BTG4: variants seen among roughly 807,000 people sequenced by gnomAD.
BTG4 encodes the protein protein BTG4.
Under a neutral mutation model 19.3 loss-of-function variants are expected in BTG4, and 10 were observed. The observed-to-expected ratio is 0.52, with a 90% CI of 0.32 to 0.88. The LOEUF (loss-of-function observed/expected upper bound fraction) is 0.88. Ranked by LOEUF, BTG4 falls within the 40% of genes least tolerant of loss-of-function variation. The pLI is 0.04. For synonymous variants in BTG4, 91 were observed against 95.7 expected (o/e 0.95, Z 0.29); for missense variants, 238 against 281.9 (o/e 0.84, Z 1.11).
intron 5 of BTG4, among the ~76,000 whole-genome samples, chr11:111,479,104 T>C (rs540596468): frequency 6.6e-6 from 1 of 152,058 alleles, no homozygotes; most frequent in South Asian, 2.1e-4. Context: ...AGAAAAAATC[T>C]TGAAAGCAGC....
chr11:111,432,555 A>G, the BTG4 span, among the ~76,000 whole-genome samples: 1 of 152,118 alleles, frequency 6.6e-6, no homozygotes, highest in African/African-American at 2.4e-5. Context: ...GAGGCAGGAG[A>G]ATCTGTAGAA....
intron 1 of BTG4, among the ~76,000 whole-genome samples, chr11:111,499,091 A>T (rs973120351): frequency 6.6e-6 from 1 of 152,214 alleles, no homozygotes; most frequent in East Asian, 1.9e-4. Flanking sequence ...ACTACAACTT[A>T]AAAAAGATCC....
the BTG4 span, among the ~76,000 whole-genome samples, chr11:111,440,950 C>T: frequency 6.6e-6 from 1 of 152,158 alleles, no homozygotes; most frequent in Admixed American, 6.5e-5. Flanking sequence ...GTCACATCAA[C>T]ATGTATGCAA....
chr11:111,475,238 T>C (rs1398299802), intron 5 of BTG4: 1 of 152,484 alleles, frequency 6.6e-6, no homozygotes, highest in Non-Finnish European at 1.5e-5. Context: ...ATGTGTATCA[T>C]AGTTTTAAGT....
In BTG4 at chr11:111,471,827, C is replaced by A. The variant is rs533181612; in HGVS notation, c.663-4146G>T. Among the ~76,000 whole-genome samples the A allele has an allele frequency of 3.9e-5, 6 of 152,198 alleles. No homozygotes were observed. In the East Asian group the frequency reaches 9.6e-4, roughly 24 times the overall value. ...ACGCAATTTTTAATTTCTTTCCAAA[C>A]CTGCTCCACTCAAAACCTTCCCCCA... On this transcript the variant is annotated intron_variant, in intron 5 of 5. Coordinates refer to the BTG4 transcript ENST00000356018.
chr11:111,428,738 T>A, the BTG4 span, among the ~76,000 whole-genome samples: 1 of 152,122 alleles, frequency 6.6e-6, no homozygotes, highest in Non-Finnish European at 1.5e-5. Context: ...GGTGCAGGCA[T>A]TCATTCCACT....
intron 5 of BTG4, among the ~76,000 whole-genome samples, chr11:111,479,136 C>T (rs903108464): frequency 6.6e-6 from 1 of 151,998 alleles, no homozygotes; most frequent in Non-Finnish European, 1.5e-5. Context: ...GACACCCTAC[C>T]ACTAGAGGAA....
At chr11:111,479,515 A>C (rs1475996676) in intron 5 of BTG4, among the ~76,000 whole-genome samples, 1 of 152,126 alleles carries the variant, frequency 6.6e-6, no homozygotes, top group Non-Finnish European at 1.5e-5. Flanking sequence ...GAAGTTCTCT[A>C]AATAGAAGGG....
At chr11:111,482,488 G>A (rs933434356) in intron 5 of BTG4, among the ~76,000 whole-genome samples, 5 of 151,996 alleles carry the variant, frequency 3.3e-5, no homozygotes, top group African/African-American at 1.2e-4. Context: ...GAAAGAAACT[G>A]GAATAGCTAA....
the BTG4 span, chr11:111,455,803 G>A: frequency 6.6e-6 from 3 of 455,954 alleles, no homozygotes; most frequent in Non-Finnish European, 1.3e-5. Context: ...GTCCCAGGTC[G>A]TGCTGCAGGA....
the BTG4 span, among the ~76,000 whole-genome samples, chr11:111,452,183 A>T: frequency 6.6e-6 from 1 of 152,272 alleles, no homozygotes; most frequent in African/African-American, 2.4e-5. Flanking sequence ...TTACTGGCTT[A>T]GTCCCAGAAC....
At position 111,497,403 on chromosome 11, in the gene BTG4, A is replaced by G; in HGVS notation, c.318T>C (p.Gly106=). 1 of 1,375,634 alleles carries G rather than the reference A, an allele frequency of 7.3e-7. No individual in the cohort carries two copies. The highest frequency in any genetic ancestry group is 9.5e-7 in the Non-Finnish European group (1 of 1,058,114). The allele number at this position is 1,375,634 out of a possible 1,614,324, so 85.2% of individuals were successfully genotyped here. Reference sequence around the variant, plus strand: ...CAACTGTAAATGGATGGTTTTTCTCACCATACCTAAGTAGGAAAAGAAATT... The same window carrying G: ...CAACTGTAAATGGATGGTTTTTCTCGCCATACCTAAGTAGGAAAAGAAATT... ...VDPFEVCCRY[G]EKNHPFTVAS... Residue 106 remains glycine (G), a synonymous_variant, in exon 4 of 5, where the codon GGT becomes GGC. Coordinates refer to ENST00000692032, the MANE Select transcript of BTG4 (RefSeq NM_001367975.1).
the BTG4 span, among the ~76,000 whole-genome samples, chr11:111,388,308 G>GGTTT: frequency 6.6e-6 from 1 of 150,932 alleles, no homozygotes; most frequent in African/African-American, 2.4e-5. Flanking sequence ...TTGGTTGGTT[G>GGTTT]GTTGGTTGGT....
chr11:111,498,412 T>C (rs1475961229), intron 2 of BTG4, among the ~76,000 whole-genome samples, 192 bp downstream of exon 2: 2 of 152,236 alleles, frequency 1.3e-5, no homozygotes, highest in East Asian at 3.8e-4. Context: ...ATAAGGGGCT[T>C]TGCTCTGTTG....
chr11:111,492,259 C>T (rs1013658430), downstream of BTG4, among the ~76,000 whole-genome samples: 1 of 152,200 alleles, frequency 6.6e-6, no homozygotes, highest in Non-Finnish European at 1.5e-5. Context: ...TTGCAAACTG[C>T]AAGGGACACT....
the BTG4 span, among the ~76,000 whole-genome samples, chr11:111,408,317 G>A: frequency 6.6e-6 from 1 of 152,178 alleles, no homozygotes; most frequent in Non-Finnish European, 1.5e-5. Context: ...AACCTGCTTA[G>A]AGCCCCCTGG....
At chr11:111,447,933 G>A in the BTG4 span, among the ~76,000 whole-genome samples, 1 of 152,122 alleles carries the variant, frequency 6.6e-6, no homozygotes, top group Non-Finnish European at 1.5e-5. Flanking sequence ...TAGTGTTGCT[G>A]GCACTGGGCC....
chr11:111,451,434 T>C, the BTG4 span: 461 of 449,836 alleles, frequency 1.0e-3, 1 homozygote, highest in East Asian at 5.6e-3. Flanking sequence ...ATTTGCCTCA[T>C]TTAAGACATT....
At chr11:111,406,208 C>T in the BTG4 span, among the ~76,000 whole-genome samples, 2 of 152,204 alleles carry the variant, frequency 1.3e-5, no homozygotes, top group South Asian at 4.1e-4. Context: ...CTAAACTGGG[C>T]TCAAGTGATC....
Sources: allele counts gnomAD v4.1 joint callset (sites outside exome capture counted in the v4.1 genomes callset), GRCh38; gene constraint gnomAD v4.1.1; transcripts MANE v1.5; gene names NCBI Gene and HGNC (gene_info 2026-07-23, HGNC 2026-07-21).